The following HROB variants were observed in gnomAD, a reference collection of about 807,000 sequenced individuals.
HROB encodes homologous recombination OB-fold protein.
HROB carries 44 observed loss-of-function variants against 61.0 expected under a neutral mutation model. The ratio of observed to expected loss-of-function variants is 0.72; its 90% confidence interval spans 0.57 to 0.93. The LOEUF (loss-of-function observed/expected upper bound fraction) is 0.93, where lower values mean the gene tolerates loss of function less well. HROB is among the 40% of genes least tolerant of loss of function. HROB has a pLI of 0.00. For synonymous variants in HROB, 301 were observed against 310.4 expected (o/e 0.97, Z 0.32); for missense variants, 716 against 796.2 (o/e 0.90, Z 1.21).
chr17:44,157,840 G>A lies in HROB; in HGVS notation c.1778G>A (p.Gly593Glu). ...CAGATCCTCTGTCCCCAGGATTCAG[G>A]GAGCTTCCAGCATGATGTGGCTGCA... ...KPSQPFPKDSGSFQHDVAAKP... is the reference protein window; with the variant it reads ...KPSQPFPKDSESFQHDVAAKP... Residue 593 changes from glycine (G) to glutamate (E), a missense_variant, in exon 9 of 10, where the codon GGG becomes GAG. By Grantham distance (98) the Gly-to-Glu change is moderately conservative. Coordinates refer to ENST00000585683, the MANE Select transcript of HROB (RefSeq NM_001171251.3). 6.2e-7 allele frequency: 1 copy of A among 1,612,478 alleles called. No homozygotes were observed. Among genetic ancestry groups the A allele is most frequent in the Non-Finnish European group, 8.5e-7 (1 of 1,179,228 alleles).
chr17:44,147,867 T>C lies in HROB; in HGVS notation c.64T>C (p.Ser22Pro), dbSNP rs1198616729. 6.2e-7 allele frequency: 1 copy of C among 1,609,364 alleles called. No individual in the cohort carries two copies. The highest frequency in any genetic ancestry group is 8.5e-7 in the Non-Finnish European group (1 of 1,176,506). The change falls in exon 3 of 10, where the codon TCT becomes CCT. Residue 22 changes from serine to proline, a missense_variant. By Grantham distance (74) the Ser-to-Pro change is moderately conservative (BLOSUM62 -1). Transcript: ENST00000585683. Reference protein sequence around the residue: ...EEEFEDEDFLSAVEDAENRFT... With the variant: ...EEEFEDEDFLPAVEDAENRFT... ...CTCTGCTTCCTTGTAGGATTTCTTG[T>C]CTGCTGTGGAGGATGCAGAGAACCG...
At chr17:44,155,070 A>C in intron 7 of HROB, 132 bp downstream of exon 7, 1 of 1,320,474 alleles carries the variant, frequency 7.6e-7, no homozygotes, top group Non-Finnish European at 1.1e-6. Context: ...CCCTGGCTTG[A>C]GCTCAGGGAA....
intron 3 of HROB, among the ~76,000 whole-genome samples, chr17:44,150,629 G>T (rs891220127): frequency 6.6e-6 from 1 of 152,062 alleles, no homozygotes; most frequent in African/African-American, 2.4e-5. Flanking sequence ...GACCTCAGGT[G>T]ATCCACCCGC....
chr17:44,153,073 T>G (rs974968738), intron 5 of HROB, among the ~76,000 whole-genome samples: 1 of 152,196 alleles, frequency 6.6e-6, no homozygotes, highest in African/African-American at 2.4e-5. Flanking sequence ...TTAAGGGTTG[T>G]GTGCAGAGAC....
In HROB at chr17:44,148,098, G is replaced by GC; in HGVS notation, c.296dup (p.Pro100SerfsTer42). 1 of 1,614,152 alleles carries GC rather than the reference G, an allele frequency of 6.2e-7. No homozygotes were observed. The highest frequency in any genetic ancestry group is 1.1e-5 in the South Asian group (1 of 91,088). ...CAGCCGTCCATCATGCATAGGAGCA[G>GC]CTCCCCTAAGGCCTGTCTCTACTTC... On this transcript the variant is annotated frameshift_variant, in exon 3 of 10. Coordinates refer to ENST00000585683, the MANE Select transcript of HROB (RefSeq NM_001171251.3). LOFTEE classifies it high-confidence loss of function.
At position 44,162,192 on chromosome 17, in the gene HROB, T is replaced by C. The variant is rs2054160676; in HGVS notation, c.*260T>C. 11 of 474,044 alleles carry C rather than the reference T, an allele frequency of 2.3e-5. No homozygotes were observed. The South Asian group carries it at 3.0e-4, about 13-fold the overall frequency. 29.4% of individuals were successfully genotyped at this position (474,044 alleles called of 1,614,324 possible). On this transcript the variant is annotated 3_prime_UTR_variant, in exon 10 of 10. Transcript: ENST00000585683. ...AGCCAACAAGAAAGGCCTGTCACCC[T>C]CGCCTTGGGTGTCCCTCTCCTGCCT... is the stretch of plus-strand genomic sequence containing the variant.
intron 1 of HROB, among the ~76,000 whole-genome samples, chr17:44,144,700 C>T (rs2053560871): frequency 6.6e-6 from 1 of 151,954 alleles, no homozygotes; most frequent in Non-Finnish European, 1.5e-5. Flanking sequence ...CAGGAATGAG[C>T]CACTGCACAC....
At chr17:44,161,693 G>A (rs575654583) in intron 9 of HROB, among the ~76,000 whole-genome samples, 178 bp from the exon 10 acceptor site, 1 of 152,318 alleles carries the variant, frequency 6.6e-6, no homozygotes, top group South Asian at 2.1e-4. Flanking sequence ...GGGAGCAGAG[G>A]GAAGATGGAA....
intron 5 of HROB, among the ~76,000 whole-genome samples, chr17:44,154,065 C>T (rs1035850823): frequency 1.3e-5 from 2 of 150,914 alleles, no homozygotes; most frequent in African/African-American, 2.4e-5. Context: ...AAAAATAGGC[C>T]GGGTGCGGTG....
At chr17:44,143,951 A>G (rs1165312866) in intron 1 of HROB, among the ~76,000 whole-genome samples, 1 of 151,740 alleles carries the variant, frequency 6.6e-6, no homozygotes, top group East Asian at 1.9e-4. Context: ...TGAGTGGATT[A>G]TGTTACAAGA....
At position 44,157,900 on chromosome 17, in the gene HROB, T is replaced by C. The variant is rs760508063; in HGVS notation, c.1838T>C (p.Leu613Pro). The change falls in exon 9 of 10, where the codon CTA (leucine) becomes CCA (proline). Residue 613 changes from leucine (L) to proline (P), a missense_variant. Transcript: ENST00000585683. ...GAAGGCTTCAGAACAGCACAGAACCTAGAGGCAGAGGCGTCCCCTGAGGAA... is the reference window on the plus strand; with the variant it reads ...GAAGGCTTCAGAACAGCACAGAACCCAGAGGCAGAGGCGTCCCCTGAGGAA... Reference protein sequence around the residue: ...PEEGFRTAQNLEAEASPEEEL... With the variant: ...PEEGFRTAQNPEAEASPEEEL... 2 of 1,613,650 alleles carry C rather than the reference T, an allele frequency of 1.2e-6. No individual in the cohort carries two copies. Among genetic ancestry groups the C allele is most frequent in the Non-Finnish European group, 1.7e-6 (2 of 1,179,762 alleles).
At chr17:44,149,125 A>G in intron 3 of HROB, 98 bp downstream of exon 3, 1 of 1,239,988 alleles carries the variant, frequency 8.1e-7, no homozygotes, top group Non-Finnish European at 1.1e-6. Context: ...GCAGAGAAGG[A>G]AGGAAGGAAG....
chr17:44,152,722 A>G lies in HROB; in HGVS notation c.1394A>G (p.Glu465Gly). Residue 465 changes from glutamate to glycine, a missense_variant, in exon 5 of 10, where the codon GAG becomes GGG. Glu to Gly is a moderately conservative substitution (Grantham distance 98). Transcript: ENST00000585683. ...ATGAAATCCACGCTAGGCCTGGATG[A>G]GAGAGACCCTAGCTGCTTCCTCTGT... is the stretch of plus-strand genomic sequence containing the variant. ...LTMKSTLGLDERDPSCFLCTY... is the reference protein window; with the variant it reads ...LTMKSTLGLDGRDPSCFLCTY... 6.2e-7 allele frequency: 1 copy of G among 1,614,184 alleles called. No homozygotes were observed. Among genetic ancestry groups the G allele is most frequent in the African/African-American group, 1.3e-5 (1 of 75,048 alleles).
Position 44,148,696 on chromosome 17 carries a change from G to T in HROB, c.893G>T (p.Cys298Phe), listed in dbSNP as rs2053698062. ...AGCAGCCCTCAAAATCGTTTCCCTT[G>T]TCAGCCATTCCAGTCTCCAAGTTCC... is the stretch of plus-strand genomic sequence containing the variant. ...IQSSPQNRFP[C>F]QPFQSPSSWL... Residue 298 changes from cysteine (C) to phenylalanine (F), a missense_variant, in exon 3 of 10, where the codon TGT becomes TTT. By Grantham distance (205) the Cys-to-Phe change is radical. Coordinates refer to ENST00000585683, the MANE Select transcript of HROB (RefSeq NM_001171251.3). The T allele has an allele frequency of 2.3e-5, 37 of 1,614,092 alleles. No homozygotes were observed. Among genetic ancestry groups the T allele is most frequent in the Non-Finnish European group, 3.1e-5 (37 of 1,180,046 alleles).
At position 44,161,869 on chromosome 17, in the gene HROB, A is replaced by G; in HGVS notation, c.1880-2A>G. On this transcript the variant is annotated splice_acceptor_variant, in intron 9 of 9. Transcript: ENST00000585683. LOFTEE classifies it high-confidence loss of function. The stretch of plus-strand genomic sequence containing the variant: ...GGCTACCCATCATTCCCCTCTCTGT[A>G]GATGACCTGGATGGACTCCTGAGTG... The G allele has an allele frequency of 6.2e-7, 1 of 1,613,922 alleles. No individual in the cohort carries two copies. Among genetic ancestry groups the G allele is most frequent in the South Asian group, 1.1e-5 (1 of 91,088 alleles).
chr17:44,157,208 C>T (rs2053995226), intron 8 of HROB, among the ~76,000 whole-genome samples: 1 of 152,226 alleles, frequency 6.6e-6, no homozygotes, highest in African/African-American at 2.4e-5. Flanking sequence ...TTCTGAATGG[C>T]CTCTTCACTC....
chr17:44,148,013 G>C lies in HROB; in HGVS notation c.210G>C (p.Glu70Asp). 1 of 1,614,024 alleles carries C rather than the reference G, an allele frequency of 6.2e-7. No homozygotes were observed. Among genetic ancestry groups the C allele is most frequent in the East Asian group, 2.2e-5 (1 of 44,880 alleles). Residue 70 changes from glutamate to aspartate, a missense_variant, in exon 3 of 10, where the codon GAG (glutamate) becomes GAC (aspartate). Transcript: ENST00000585683. ...LLLLHPTAPSEALGLPDLDLC... is the reference protein window; with the variant it reads ...LLLLHPTAPSDALGLPDLDLC... ...TGTTACACCCCACTGCTCCCTCAGA[G>C]GCTTTGGGCCTGCCAGACTTGGACC...
chr17:44,162,078 T>C lies in HROB; in HGVS notation c.*146T>C. The C allele has an allele frequency of 1.2e-6, 1 of 823,660 alleles. No individual in the cohort carries two copies. The highest frequency in any genetic ancestry group is 1.9e-6 in the Non-Finnish European group (1 of 529,184). The allele number at this position is 823,660 out of a possible 1,614,324, so 51.0% of individuals were successfully genotyped here. A position where few individuals can be genotyped will look rare whatever the true frequency, so the allele number is the denominator to read the frequency against. ...GTGGTTGCTCCCACCCTGGGTGTTT[T>C]CCCTGAGAGCCCCCTCATCTCTGCG... On this transcript the variant is annotated 3_prime_UTR_variant, in exon 10 of 10. Coordinates refer to ENST00000585683, the MANE Select transcript of HROB (RefSeq NM_001171251.3).
chr17:44,142,639 G>T (rs923089727), intron 1 of HROB, among the ~76,000 whole-genome samples: 2 of 151,870 alleles, frequency 1.3e-5, no homozygotes, highest in African/African-American at 4.8e-5. Flanking sequence ...GGCATCTGGG[G>T]TTAGGCACCA....
Sources: allele counts gnomAD v4.1 joint callset (sites outside exome capture counted in the v4.1 genomes callset), GRCh38; gene constraint gnomAD v4.1.1; transcripts MANE v1.5; gene names NCBI Gene and HGNC (gene_info 2026-07-23, HGNC 2026-07-21).